The following CHST11 variants were observed in gnomAD, a reference collection of about 807,000 sequenced individuals.
CHST11 encodes carbohydrate sulfotransferase 11, also known as C4S-1.
In CHST11, 9 loss-of-function variants were observed where a neutral mutation model predicts 30.4. The ratio of observed to expected loss-of-function variants is 0.30; its 90% CI spans 0.18 to 0.52. The LOEUF is 0.52. CHST11 is among the 20% of genes least tolerant of loss of function. The probability of loss-of-function intolerance (pLI) is 0.97; values close to 1 mark genes in which losing one functional copy is unlikely to be tolerated. For missense variants in CHST11, 348 were observed against 460.6 expected, an observed-to-expected ratio of 0.76 and a Z score of 2.24; for synonymous variants, 152 against 187.8, an observed-to-expected ratio of 0.81 and a Z score of 1.56.
chr12:104,727,055 G>A (rs2040222250), intron 2 of CHST11, among the ~76,000 whole-genome samples: 1 of 152,106 alleles, frequency 6.6e-6, no homozygotes, highest in Admixed American at 6.5e-5. Context: ...TGGATAAGTG[G>A]GTCTCTAGGG....
At chr12:104,565,317 A>G (rs1168622579) in intron 1 of CHST11, among the ~76,000 whole-genome samples, 1 of 123,002 alleles carries the variant, frequency 8.1e-6, no homozygotes, top group Non-Finnish European at 1.6e-5. Context: ...CTCAGGCTGG[A>G]GTGCAGTGGC....
chr12:104,545,836 T>TCTC (rs1555231480), intron 1 of CHST11, among the ~76,000 whole-genome samples: 287 of 33,700 alleles, frequency 8.5e-3, no homozygotes, highest in East Asian at 0.091. Flanking sequence ...TCTGTCTCTC[T>TCTC]TTTTTTAAAA....
At chr12:104,603,357 C>A (rs2038974981) in intron 2 of CHST11, among the ~76,000 whole-genome samples, 1 of 152,206 alleles carries the variant, frequency 6.6e-6, no homozygotes, top group African/African-American at 2.4e-5. Flanking sequence ...AACAAAACTA[C>A]TGAAACACTG....
At chr12:104,500,519 T>A (rs1254332019) in intron 1 of CHST11, among the ~76,000 whole-genome samples, 1 of 150,696 alleles carries the variant, frequency 6.6e-6, no homozygotes, top group African/African-American at 2.5e-5. Flanking sequence ...ACACGAGACT[T>A]ATTCGTTTTT....
intron 2 of CHST11, among the ~76,000 whole-genome samples, chr12:104,689,894 C>T (rs1015749364): frequency 6.6e-6 from 1 of 152,160 alleles, no homozygotes; most frequent in African/African-American, 2.4e-5. Context: ...TCTTCCCTTT[C>T]CTCTTTCACA....
At chr12:104,489,543 A>C (rs1424917326) in intron 1 of CHST11, among the ~76,000 whole-genome samples, 1 of 151,874 alleles carries the variant, frequency 6.6e-6, no homozygotes, top group Non-Finnish European at 1.5e-5. Flanking sequence ...CAGTGGCACG[A>C]TCTTGGCTCA....
chr12:104,563,257 C>T (rs1353404435), intron 1 of CHST11, among the ~76,000 whole-genome samples: 4 of 152,150 alleles, frequency 2.6e-5, no homozygotes, highest in Admixed American at 6.5e-5. Flanking sequence ...AGGCTGGTCT[C>T]GAACTCCTGA....
chr12:104,511,605 A>G (rs1320948927), intron 1 of CHST11, among the ~76,000 whole-genome samples: 2 of 152,218 alleles, frequency 1.3e-5, no homozygotes, highest in Non-Finnish European at 2.9e-5. Context: ...TTTAAACAAA[A>G]TAATGCTTTG....
chr12:104,678,021 C>T (rs774115695), intron 2 of CHST11, among the ~76,000 whole-genome samples: 2 of 152,218 alleles, frequency 1.3e-5, no homozygotes, highest in Non-Finnish European at 2.9e-5. Flanking sequence ...CTTTGAGAGG[C>T]CTTCTCCAAC....
chr12:104,757,360 A>T lies in CHST11; in HGVS notation c.616A>T (p.Ile206Phe), dbSNP rs757081540. ...CAACAAGTTCACCCAGAAGTACAAC[A>T]TCTCCTTCCACAAGCGGTACGGCAC... is the stretch of plus-strand genomic sequence containing the variant. ...YRNKFTQKYN[I>F]SFHKRYGTKI... The change falls in exon 3 of 3, where the codon ATC becomes TTC. Residue 206 changes from isoleucine to phenylalanine, a missense_variant. By Grantham distance (21) the Ile-to-Phe change is conservative (BLOSUM62 0). Around this residue, in one of 3 missense-constraint regions of CHST11, gnomAD observed 210 missense variants for 287.2 expected, o/e 0.73. Coordinates refer to ENST00000303694, the MANE Select transcript of CHST11 (RefSeq NM_018413.6). The surrounding 1 kb of genome is among the most constrained non-coding windows in gnomAD (Gnocchi z 6.5). 3 of 1,614,104 alleles carry T rather than the reference A, an allele frequency of 1.9e-6. No individual in the cohort carries two copies. The highest frequency in any genetic ancestry group is 3.3e-5 in the Admixed American group (2 of 60,024).
chr12:104,525,497 T>A (rs1489651325), intron 1 of CHST11, among the ~76,000 whole-genome samples: 1 of 152,152 alleles, frequency 6.6e-6, no homozygotes. Flanking sequence ...CAAACCTGGG[T>A]TTGGATTTCC....
At chr12:104,737,070 G>C (rs1248904158) in intron 2 of CHST11, among the ~76,000 whole-genome samples, 1 of 152,204 alleles carries the variant, frequency 6.6e-6, no homozygotes, top group Admixed American at 6.5e-5. Flanking sequence ...TTCTGCCTCA[G>C]CAATTAGCTA....
intron 1 of CHST11, among the ~76,000 whole-genome samples, chr12:104,541,775 G>A (rs2038289186): frequency 6.6e-6 from 1 of 152,180 alleles, no homozygotes. Flanking sequence ...AGTAAAGATG[G>A]TTATTAGTTA....
chr12:104,703,839 C>T (rs2040010144), intron 2 of CHST11, among the ~76,000 whole-genome samples: 1 of 152,258 alleles, frequency 6.6e-6, no homozygotes, highest in South Asian at 2.1e-4. Context: ...CCATTAGTTC[C>T]CTCACTTCCT....
At chr12:104,613,769 C>T (rs2039082481) in intron 2 of CHST11, among the ~76,000 whole-genome samples, 1 of 152,144 alleles carries the variant, frequency 6.6e-6, no homozygotes, top group Non-Finnish European at 1.5e-5. Flanking sequence ...TGGACTAATA[C>T]AGGGACAGTA....
chr12:104,699,964 T>G (rs1480283429), intron 2 of CHST11, among the ~76,000 whole-genome samples: 2 of 152,264 alleles, frequency 1.3e-5, no homozygotes, highest in East Asian at 3.8e-4. Context: ...GGAACAGTCC[T>G]GCCCACTGTG....
chr12:104,658,811 C>T (rs550862920), intron 2 of CHST11, among the ~76,000 whole-genome samples: 1 of 152,184 alleles, frequency 6.6e-6, no homozygotes, highest in African/African-American at 2.4e-5. Context: ...TTTTTATTAA[C>T]TCATGTAATC....
chr12:104,571,730 C>T (rs576240318), intron 1 of CHST11, among the ~76,000 whole-genome samples: 1 of 152,334 alleles, frequency 6.6e-6, no homozygotes, highest in African/African-American at 2.4e-5. Context: ...AATCCAGCCA[C>T]TGGTTAGACT....
chr12:104,589,816 C>T (rs71468217), intron 1 of CHST11, among the ~76,000 whole-genome samples: 2,513 of 152,104 alleles, frequency 0.017, 27 homozygotes, highest in Middle Eastern at 0.044. Context: ...TCAAGACCAG[C>T]GTGGTCAACA....
Sources: allele counts gnomAD v4.1 joint callset (sites outside exome capture counted in the v4.1 genomes callset), GRCh38; gene constraint gnomAD v4.1.1; regional missense constraint gnomAD v4.1.1; non-coding constraint Gnocchi (gnomAD v3.1); transcripts MANE v1.5; gene names NCBI Gene and HGNC (gene_info 2026-07-23, HGNC 2026-07-21).